Variants in PDE4D observed in about 807,000 individuals in gnomAD.
PDE4D encodes phosphodiesterase 4D.
In PDE4D, 24 loss-of-function variants were observed where a neutral mutation model predicts 87.4. That is an observed-to-expected ratio of 0.27 (90% confidence interval 0.20 to 0.39). PDE4D has a LOEUF of 0.39. Ranked by LOEUF, PDE4D falls within the 10% of genes least tolerant of loss-of-function variation. The pLI, the probability that PDE4D is intolerant of heterozygous loss-of-function variation, is 1.00. For synonymous variants in PDE4D, 384 were observed against 383.2 expected (o/e 1.00, Z -0.02); for missense variants, 714 against 1,041.0 (o/e 0.69, Z 4.32).
intron 3 of PDE4D, among the ~76,000 whole-genome samples, chr5:59,979,424 G>A (rs1341168007): frequency 6.6e-6 from 1 of 150,490 alleles, no homozygotes; most frequent in African/African-American, 2.5e-5. Context: ...AGCAAGGGGT[G>A]TGTGTGTGTG....
upstream of PDE4D, chr5:60,491,519 C>G (rs1749531094): frequency 6.6e-6 from 1 of 152,082 alleles, no homozygotes; most frequent in South Asian, 2.1e-4. Context: ...TTAGCATAAA[C>G]CATCAACTTT....
chr5:59,840,846 G>A (rs939345831), intron 1 of PDE4D, among the ~76,000 whole-genome samples: 2 of 152,102 alleles, frequency 1.3e-5, no homozygotes, highest in African/African-American at 2.4e-5. Context: ...GTCTGGTGTA[G>A]AAGGTAATTC....
intron 1 of PDE4D, among the ~76,000 whole-genome samples, chr5:59,323,117 T>A (rs913788193): frequency 1.3e-5 from 2 of 152,158 alleles, no homozygotes; most frequent in African/African-American, 4.8e-5. Context: ...CAATCTAGAC[T>A]GTTATCATTC....
At chr5:60,438,771 T>C (rs528907421) in intron 1 of PDE4D, among the ~76,000 whole-genome samples, 41 of 152,206 alleles carry the variant, frequency 2.7e-4, no homozygotes, top group Non-Finnish European at 5.3e-4. Context: ...AGGTGCTTGA[T>C]TGTACTCCTG....
At chr5:59,404,354 A>T (rs1471418609) in intron 1 of PDE4D, among the ~76,000 whole-genome samples, 2 of 152,016 alleles carry the variant, frequency 1.3e-5, no homozygotes, top group East Asian at 3.9e-4. Flanking sequence ...CTTGTGGGGT[A>T]TTACTCAAAA....
At chr5:59,111,454 A>G (rs1772620246) in intron 5 of PDE4D, among the ~76,000 whole-genome samples, 1 of 152,158 alleles carries the variant, frequency 6.6e-6, no homozygotes, top group Admixed American at 6.5e-5. Flanking sequence ...ACTTTCCAAT[A>G]GGCTCTTGAG....
At chr5:60,468,815 C>A (rs1204041225) in intron 1 of PDE4D, among the ~76,000 whole-genome samples, 2 of 152,048 alleles carry the variant, frequency 1.3e-5, no homozygotes, top group African/African-American at 2.4e-5. Context: ...CATGAGCCAC[C>A]CACTGTGCCC....
intron 1 of PDE4D, among the ~76,000 whole-genome samples, chr5:59,770,001 C>G (rs1398489476): frequency 6.6e-6 from 1 of 152,178 alleles, no homozygotes; most frequent in Admixed American, 6.5e-5. Context: ...CTCTGAGGTT[C>G]TATTCACAGA....
intron 1 of PDE4D, chr5:59,768,249 T>C (rs1763049466): frequency 1.9e-6 from 3 of 1,598,026 alleles, no homozygotes; most frequent in South Asian, 2.2e-5. Context: ...AACCTTACCA[T>C]GTATGTGCCA....
At chr5:60,417,908 A>G (rs924596242) in intron 1 of PDE4D, among the ~76,000 whole-genome samples, 1 of 151,472 alleles carries the variant, frequency 6.6e-6, no homozygotes, top group African/African-American at 2.4e-5. Flanking sequence ...GAAAAAAAAA[A>G]CACTCTAAGC....
At chr5:59,154,624 C>T (rs1251842661) in intron 5 of PDE4D, among the ~76,000 whole-genome samples, 1 of 152,164 alleles carries the variant, frequency 6.6e-6, no homozygotes, top group Non-Finnish European at 1.5e-5. Context: ...TGGTGGCTCA[C>T]ACCTGTAACC....
At chr5:59,255,161 G>C (rs1036607398) in intron 1 of PDE4D, among the ~76,000 whole-genome samples, 1 of 152,062 alleles carries the variant, frequency 6.6e-6, no homozygotes, top group African/African-American at 2.4e-5. Flanking sequence ...AACAACGCAA[G>C]TGTCTATCAA....
chr5:59,195,734 A>G (rs1339754750), intron 2 of PDE4D, among the ~76,000 whole-genome samples: 1 of 152,232 alleles, frequency 6.6e-6, no homozygotes, highest in Non-Finnish European at 1.5e-5. Flanking sequence ...GGGATTCAAT[A>G]AATTAATAAT....
intron 1 of PDE4D, among the ~76,000 whole-genome samples, chr5:59,620,533 G>A (rs1019232040): frequency 6.6e-6 from 1 of 152,168 alleles, no homozygotes; most frequent in Non-Finnish European, 1.5e-5. Context: ...GTGTGGCCAT[G>A]GAGGTGAATT....
At chr5:60,492,691 A>G (rs188970757), upstream of PDE4D, among the ~76,000 whole-genome samples, 391 of 152,194 alleles carry the variant, frequency 2.6e-3, 1 homozygote, top group African/African-American at 9.2e-3. Context: ...GAACTGAACA[A>G]TGAGAACACT....
chr5:60,209,602 A>AT (rs1264814389), intron 1 of PDE4D, among the ~76,000 whole-genome samples: 2 of 152,104 alleles, frequency 1.3e-5, no homozygotes, highest in African/African-American at 2.4e-5. Context: ...CTAGTGTGGG[A>AT]TTTTTTTCCT....
chr5:59,589,850 A>C (rs1305298879), intron 1 of PDE4D, among the ~76,000 whole-genome samples: 2 of 152,188 alleles, frequency 1.3e-5, no homozygotes, highest in Admixed American at 1.3e-4. Flanking sequence ...ATTTTAGCTG[A>C]ATATTTTTAA....
chr5:59,011,440 G>A (rs1356670866), intron 6 of PDE4D, among the ~76,000 whole-genome samples: 1 of 152,196 alleles, frequency 6.6e-6, no homozygotes, highest in Non-Finnish European at 1.5e-5. Flanking sequence ...CCAGCATAGA[G>A]AAGACCTTAA....
intron 3 of PDE4D, among the ~76,000 whole-genome samples, chr5:59,189,085 G>GA (rs1743606159): frequency 6.6e-6 from 1 of 152,054 alleles, no homozygotes; most frequent in Non-Finnish European, 1.5e-5. Context: ...GGACAGGCAG[G>GA]AATATGAGAA....
Sources: allele counts gnomAD v4.1 joint callset (sites outside exome capture counted in the v4.1 genomes callset), GRCh38; gene constraint gnomAD v4.1.1; transcripts MANE v1.5; gene names NCBI Gene and HGNC (gene_info 2026-07-23, HGNC 2026-07-21).